FMN1: variants seen among roughly 807,000 people sequenced by gnomAD.
The protein encoded by FMN1 is formin 1.
A neutral mutation model predicts 132.4 loss-of-function variants in FMN1; 110 were observed. The observed-to-expected ratio is 0.83, with a 90% CI of 0.71 to 0.97. The LOEUF (loss-of-function observed/expected upper bound fraction) is 0.97, where lower values mean the gene tolerates loss of function less well. Ranked by LOEUF, FMN1 falls within the 50% of genes least tolerant of loss-of-function variation. The pLI is 0.00. For synonymous variants in FMN1, 722 were observed against 651.7 expected (o/e 1.11, Z -1.64); for missense variants, 1,792 against 1,705.3 (o/e 1.05, Z -0.90).
chr15:33,008,111 T>A (rs774392564), intron 6 of FMN1, 36 bp from the exon 7 acceptor site: 8 of 1,533,534 alleles, frequency 5.2e-6, no homozygotes. Context: ...TATAAAGAAG[T>A]ACAAAATTAA....
chr15:32,909,663 T>C (rs575892954), intron 11 of FMN1, among the ~76,000 whole-genome samples: 1 of 152,306 alleles, frequency 6.6e-6, no homozygotes, highest in South Asian at 2.1e-4. Flanking sequence ...CTTAAGAGAA[T>C]GTGGTTCAAT....
intron 6 of FMN1, among the ~76,000 whole-genome samples, chr15:33,031,741 G>A (rs1490310551): frequency 2.0e-5 from 3 of 152,156 alleles, no homozygotes; most frequent in Non-Finnish European, 4.4e-5. Flanking sequence ...TGGAGGGCCA[G>A]GCTCATGAAA....
intron 9 of FMN1, among the ~76,000 whole-genome samples, chr15:32,929,536 T>C (rs1487407244): frequency 6.6e-6 from 1 of 152,160 alleles, no homozygotes; most frequent in Non-Finnish European, 1.5e-5. Flanking sequence ...TCTAGAACTT[T>C]TTCACCTTGC....
In FMN1 at chr15:33,128,830, C is replaced by G. The variant is rs533786093; in HGVS notation, c.1867+24218G>C. On this transcript the variant is annotated intron_variant, in intron 4 of 20. Transcript: ENST00000616417. Reference sequence around the variant, plus strand: ...GTCACGAGCAAAATAACAAAGCCTCCGCAATGCGGAAGACAACCGGAGCAG... The same window carrying G: ...GTCACGAGCAAAATAACAAAGCCTCGGCAATGCGGAAGACAACCGGAGCAG... Among the ~76,000 whole-genome samples the G allele has an allele frequency of 3.9e-5, 6 of 152,346 alleles. No individual in the cohort carries two copies. The South Asian group carries it at 8.3e-4, about 21-fold the overall frequency.
chr15:33,061,562 T>C (rs1043615824), intron 6 of FMN1, among the ~76,000 whole-genome samples: 3 of 152,236 alleles, frequency 2.0e-5, no homozygotes, highest in Admixed American at 1.3e-4. Flanking sequence ...CTCACATTGA[T>C]TTATAAACTA....
In FMN1 at chr15:33,025,975, G is replaced by A. The variant is rs148823453; in HGVS notation, c.2162-17900C>T. Among the ~76,000 whole-genome samples the A allele has an allele frequency of 2.0e-3, 298 of 152,244 alleles. 2 individuals carry two copies. Among genetic ancestry groups the A allele is most frequent in the African/African-American group, 6.8e-3 (284 of 41,528 alleles). Reference sequence around the variant, plus strand: ...GAGATAATGTGCTAAGAAAAGAGATGTAAGAATTGGAAAAGAAGAGATAAA... The same window carrying A: ...GAGATAATGTGCTAAGAAAAGAGATATAAGAATTGGAAAAGAAGAGATAAA... On this transcript the variant is annotated intron_variant, in intron 6 of 20. Transcript: ENST00000616417.
intron 17 of FMN1, among the ~76,000 whole-genome samples, chr15:32,806,806 A>G (rs183403852): frequency 1.3e-5 from 2 of 152,320 alleles, no homozygotes. Context: ...AGGTCTCAGC[A>G]GAAGTATCTC....
intron 10 of FMN1, among the ~76,000 whole-genome samples, chr15:32,923,231 A>G (rs1432136383): frequency 6.6e-6 from 1 of 152,186 alleles, no homozygotes; most frequent in African/African-American, 2.4e-5. Flanking sequence ...ATATCTAACC[A>G]TAGCCCCTCT....
intron 4 of FMN1, among the ~76,000 whole-genome samples, chr15:33,142,784 C>T (rs999091108): frequency 6.6e-6 from 1 of 152,332 alleles, no homozygotes; most frequent in African/African-American, 2.4e-5. Context: ...AGCTGGTGAG[C>T]CTTGCAGAAC....
intron 7 of FMN1, among the ~76,000 whole-genome samples, chr15:32,990,859 C>G (rs117201677): frequency 0.056 from 8,452 of 152,154 alleles, 275 homozygotes; most frequent in Middle Eastern, 0.095. Context: ...CCTTACAAAA[C>G]CATCAGATCT....
intron 6 of FMN1, among the ~76,000 whole-genome samples, chr15:33,040,873 T>C (rs1040007421): frequency 2.0e-5 from 3 of 152,246 alleles, no homozygotes; most frequent in African/African-American, 7.2e-5. Context: ...CCATTTGTTA[T>C]TGTTTCTATT....
At chr15:32,841,578 T>C (rs917348837) in intron 17 of FMN1, among the ~76,000 whole-genome samples, 1 of 152,190 alleles carries the variant, frequency 6.6e-6, no homozygotes, top group Non-Finnish European at 1.5e-5. Context: ...TGGGACTTTA[T>C]ATTAAAGTCC....
chr15:33,187,000 T>A (rs1006454110), intron 2 of FMN1, among the ~76,000 whole-genome samples: 5 of 152,182 alleles, frequency 3.3e-5, no homozygotes, highest in Admixed American at 1.3e-4. Flanking sequence ...ATCCCTGGTT[T>A]AACTAGTCCT....
Position 32,774,215 on chromosome 15 carries a change from A to G in FMN1, c.*95T>C, listed in dbSNP as rs1175163124. 1.1e-6 allele frequency: 1 copy of G among 941,466 alleles called. No homozygotes were observed. Among genetic ancestry groups the G allele is most frequent in the Non-Finnish European group, 1.7e-6 (1 of 601,798 alleles). The allele number at this position is 941,466 out of a possible 1,614,324, so 58.3% of individuals were successfully genotyped here. A position where few individuals can be genotyped will look rare whatever the true frequency, so the allele number is the denominator to read the frequency against. ...TGAGCAAAAACAAACATTTAGTGACACATCTTTCAAGAACGTCCTGCAACC... is the reference window on the plus strand; with the variant it reads ...TGAGCAAAAACAAACATTTAGTGACGCATCTTTCAAGAACGTCCTGCAACC... On this transcript the variant is annotated 3_prime_UTR_variant, in exon 21 of 21. Transcript: ENST00000616417.
At chr15:32,973,525 G>GT (rs1360412219) in intron 7 of FMN1, among the ~76,000 whole-genome samples, 1 of 152,014 alleles carries the variant, frequency 6.6e-6, no homozygotes, top group East Asian at 1.9e-4. Context: ...TGCAATGATA[G>GT]TAAGAAATCT....
chr15:32,855,116 G>A (rs2059097482), intron 17 of FMN1, among the ~76,000 whole-genome samples: 1 of 133,986 alleles, frequency 7.5e-6, no homozygotes, highest in South Asian at 2.5e-4. Flanking sequence ...AAGCTAGAGA[G>A]TACTGGCTAT....
intron 17 of FMN1, among the ~76,000 whole-genome samples, chr15:32,831,433 G>T (rs2058498656): frequency 1.3e-5 from 2 of 152,112 alleles, no homozygotes; most frequent in East Asian, 1.9e-4. Flanking sequence ...TATAAAACAG[G>T]TGGGGCTTGA....
At chr15:32,887,898 T>C (rs1453020883) in intron 16 of FMN1, among the ~76,000 whole-genome samples, 2 of 152,146 alleles carry the variant, frequency 1.3e-5, no homozygotes, top group Admixed American at 1.3e-4. Context: ...GCTATTATCA[T>C]TAATAATGTT....
chr15:32,912,560 A>G (rs893973467), intron 10 of FMN1, among the ~76,000 whole-genome samples: 1 of 152,202 alleles, frequency 6.6e-6, no homozygotes. Context: ...ACTATGAAGA[A>G]AGTAAAACAG....
Sources: allele counts gnomAD v4.1 joint callset (sites outside exome capture counted in the v4.1 genomes callset), GRCh38; gene constraint gnomAD v4.1.1; transcripts MANE v1.5; gene names NCBI Gene and HGNC (gene_info 2026-07-23, HGNC 2026-07-21).